Variants in KCNIP4 observed in about 807,000 individuals in gnomAD.
The protein encoded by KCNIP4 is Kv channel-interacting protein 4.
Under a neutral mutation model 34.0 loss-of-function variants are expected in KCNIP4, and 12 were observed. The ratio of observed to expected loss-of-function variants is 0.35; its 90% confidence interval spans 0.23 to 0.57. The LOEUF is 0.57. Among genes scored for constraint, KCNIP4 ranks in the 20% least tolerant of loss-of-function variants. The pLI is 0.83. For synonymous variants in KCNIP4, 124 were observed against 102.2 expected (o/e 1.21, Z -1.29); for missense variants, 238 against 311.7 (o/e 0.76, Z 1.78).
At chr4:20,994,575 C>T (rs1737373138) in intron 1 of KCNIP4, among the ~76,000 whole-genome samples, 1 of 152,172 alleles carries the variant, frequency 6.6e-6, no homozygotes, top group Non-Finnish European at 1.5e-5. Context: ...GGGACACTCT[C>T]CTTTCATTTT....
At chr4:21,151,721 C>T (rs1203802014) in intron 1 of KCNIP4, among the ~76,000 whole-genome samples, 1 of 152,106 alleles carries the variant, frequency 6.6e-6, no homozygotes, top group Non-Finnish European at 1.5e-5. Context: ...ACAGCCCTCC[C>T]TCTGTGCTTG....
At chr4:21,014,630 G>C (rs112310162) in intron 1 of KCNIP4, among the ~76,000 whole-genome samples, 13 of 152,340 alleles carry the variant, frequency 8.5e-5, no homozygotes, top group African/African-American at 2.6e-4. Context: ...TGTTGGCAAG[G>C]ATGCGTGGAT....
At chr4:21,431,719 C>T (rs528034933) in intron 1 of KCNIP4, among the ~76,000 whole-genome samples, 25 of 151,600 alleles carry the variant, frequency 1.6e-4, no homozygotes, top group African/African-American at 4.8e-4. Flanking sequence ...GATTGAATTC[C>T]AAGATAGATT....
intron 1 of KCNIP4, among the ~76,000 whole-genome samples, chr4:21,493,693 T>C (rs916607544): frequency 6.6e-6 from 1 of 152,144 alleles, no homozygotes; most frequent in South Asian, 2.1e-4. Flanking sequence ...AAGCACTTCT[T>C]TCACATGAAC....
At chr4:21,927,736 T>A (rs1298628442) in intron 1 of KCNIP4, among the ~76,000 whole-genome samples, 1 of 152,134 alleles carries the variant, frequency 6.6e-6, no homozygotes, top group African/African-American at 2.4e-5. Context: ...GGGAGATGTA[T>A]CAGTCTTCTA....
intron 1 of KCNIP4, among the ~76,000 whole-genome samples, chr4:21,495,957 TG>T (rs1012648906): frequency 6.6e-6 from 1 of 152,206 alleles, no homozygotes; most frequent in African/African-American, 2.4e-5. Flanking sequence ...CAGAAGTTTG[TG>T]GGTGGGGCCC....
intron 1 of KCNIP4, among the ~76,000 whole-genome samples, chr4:21,872,394 A>G (rs537691410): frequency 6.6e-6 from 1 of 152,288 alleles, no homozygotes; most frequent in African/African-American, 2.4e-5. Flanking sequence ...AGAGTGCTGA[A>G]TGTTTTGATA....
chr4:20,733,656 C>A (rs1748892993), intron 6 of KCNIP4, among the ~76,000 whole-genome samples: 1 of 152,056 alleles, frequency 6.6e-6, no homozygotes, highest in Non-Finnish European at 1.5e-5. Flanking sequence ...AATTGAAGAA[C>A]AAGAGATATT....
At chr4:21,541,119 C>T (rs1030483333) in intron 1 of KCNIP4, among the ~76,000 whole-genome samples, 4 of 145,812 alleles carry the variant, frequency 2.7e-5, no homozygotes, top group East Asian at 4.1e-4. Context: ...TGCAGCTGGC[C>T]GAGACTGTGC....
At chr4:21,347,756 C>T (rs2109365004) in intron 1 of KCNIP4, among the ~76,000 whole-genome samples, 1 of 152,272 alleles carries the variant, frequency 6.6e-6, no homozygotes, top group Non-Finnish European at 1.5e-5. Context: ...CATTTTCCCC[C>T]TTCATTCCTT....
At chr4:21,234,612 G>GTATATAATATATATTACATATAACA (rs1477691386) in intron 1 of KCNIP4, among the ~76,000 whole-genome samples, 4 of 129,418 alleles carry the variant, frequency 3.1e-5, no homozygotes, top group East Asian at 2.1e-4. Flanking sequence ...TACATATAAC[G>GTATATAATATATATTACATATAACA]TATATAATAT....
intron 2 of KCNIP4, among the ~76,000 whole-genome samples, chr4:20,856,435 G>C (rs1265426338): frequency 1.3e-5 from 2 of 152,112 alleles, no homozygotes; most frequent in African/African-American, 4.8e-5. Context: ...GTGACCCCCT[G>C]GTCATCGTTC....
intron 1 of KCNIP4, among the ~76,000 whole-genome samples, chr4:21,458,521 A>G (rs999993807): frequency 6.6e-6 from 1 of 151,988 alleles, no homozygotes; most frequent in Admixed American, 6.6e-5. Flanking sequence ...GCTCCCACCT[A>G]TGACTGAAAT....
At chr4:21,271,098 A>G (rs1310805859) in intron 1 of KCNIP4, among the ~76,000 whole-genome samples, 1 of 152,162 alleles carries the variant, frequency 6.6e-6, no homozygotes, top group Non-Finnish European at 1.5e-5. Flanking sequence ...TTTAGGGTAA[A>G]GAGAAGGATC....
chr4:21,709,219 C>A (rs1208365816), intron 1 of KCNIP4, among the ~76,000 whole-genome samples: 1 of 152,096 alleles, frequency 6.6e-6, no homozygotes, highest in Non-Finnish European at 1.5e-5. Flanking sequence ...AATGTCCTGA[C>A]CTTCCCTTGG....
intron 1 of KCNIP4, among the ~76,000 whole-genome samples, chr4:21,542,958 G>T (rs1371421646): frequency 6.6e-6 from 1 of 151,766 alleles, no homozygotes; most frequent in Non-Finnish European, 1.5e-5. Context: ...ACTGTTCAAT[G>T]AATACTGTCA....
At chr4:21,702,592 A>C (rs1326965577) in intron 1 of KCNIP4, among the ~76,000 whole-genome samples, 1 of 152,146 alleles carries the variant, frequency 6.6e-6, no homozygotes, top group Non-Finnish European at 1.5e-5. Context: ...TAAGTAAGTA[A>C]ATTTAATTTA....
At chr4:21,488,800 G>T (rs914555201) in intron 1 of KCNIP4, among the ~76,000 whole-genome samples, 1 of 151,958 alleles carries the variant, frequency 6.6e-6, no homozygotes, top group Non-Finnish European at 1.5e-5. Flanking sequence ...ACTGTCAGAG[G>T]CCAAGAGATC....
chr4:21,403,436 A>G (rs1723707242), intron 1 of KCNIP4, among the ~76,000 whole-genome samples: 3 of 152,236 alleles, frequency 2.0e-5, no homozygotes, highest in Non-Finnish European at 4.4e-5. Flanking sequence ...TGCCACCTAC[A>G]GTCTAGTCTT....
Sources: gnomAD v4.1 joint callset for allele counts (sites outside exome capture counted in the v4.1 genomes callset) on GRCh38, gnomAD v4.1.1 for gene constraint, MANE v1.5 for transcripts, NCBI Gene and HGNC (gene_info 2026-07-23, HGNC 2026-07-21) for gene names.